SYN2: variants seen among roughly 807,000 people sequenced by gnomAD.
SYN2 encodes the protein synapsin-2.
A neutral mutation model predicts 50.9 loss-of-function variants in SYN2; 19 were observed. That is an observed-to-expected ratio of 0.37 (90% CI 0.26 to 0.55). The LOEUF is 0.55. Among genes scored for constraint, SYN2 ranks in the 20% least tolerant of loss-of-function variants. The pLI, the probability that SYN2 is intolerant of heterozygous loss-of-function variation, is 0.81. For synonymous variants in SYN2, 255 were observed against 224.9 expected (o/e 1.13, Z -1.20); for missense variants, 587 against 576.4 (o/e 1.02, Z -0.19).
At chr3:12,016,890 C>T (rs1436968504) in intron 1 of SYN2, among the ~76,000 whole-genome samples, 1 of 152,012 alleles carries the variant, frequency 6.6e-6, no homozygotes, top group East Asian at 1.9e-4. Context: ...GCTAAATCAT[C>T]GATCTTCAGA....
chr3:12,153,570 C>A, intron 5 of SYN2: 1 of 1,614,088 alleles, frequency 6.2e-7, no homozygotes, highest in Non-Finnish European at 8.5e-7. Flanking sequence ...GCCCCGGTAC[C>A]AGCTGCAGGT....
chr3:12,180,209 A>G (rs1423224055), intron 10 of SYN2, among the ~76,000 whole-genome samples: 1 of 150,538 alleles, frequency 6.6e-6, no homozygotes, highest in Admixed American at 6.6e-5. Context: ...TCGGCCTCCC[A>G]CAGTGTTGGG....
At chr3:12,085,277 A>G (rs1221021364) in intron 1 of SYN2, among the ~76,000 whole-genome samples, 1 of 151,464 alleles carries the variant, frequency 6.6e-6, no homozygotes, top group South Asian at 2.1e-4. Context: ...AAAAAAGACA[A>G]AGAAGGTCAT....
chr3:12,139,179 G>A (rs1180377239), intron 1 of SYN2, among the ~76,000 whole-genome samples: 1 of 152,174 alleles, frequency 6.6e-6, no homozygotes, highest in African/African-American at 2.4e-5. Flanking sequence ...ACTTGGATAG[G>A]ACAAATGACA....
At chr3:12,058,366 A>G (rs1695041368) in intron 1 of SYN2, among the ~76,000 whole-genome samples, 1 of 152,252 alleles carries the variant, frequency 6.6e-6, no homozygotes, top group South Asian at 2.1e-4. Flanking sequence ...TAGGACTACT[A>G]AAGGAATCAG....
At chr3:12,025,563 C>G (rs1240517278) in intron 1 of SYN2, among the ~76,000 whole-genome samples, 1 of 152,158 alleles carries the variant, frequency 6.6e-6, no homozygotes, top group Non-Finnish European at 1.5e-5. Context: ...TTGTAATTGC[C>G]ATCCAGAATC....
chr3:12,149,455 A>G (rs1178635399), intron 4 of SYN2, among the ~76,000 whole-genome samples: 1 of 152,226 alleles, frequency 6.6e-6, no homozygotes, highest in African/African-American at 2.4e-5. Context: ...AGCAAATTGA[A>G]GGACCAAAGT....
intron 1 of SYN2, among the ~76,000 whole-genome samples, chr3:12,046,866 G>A (rs780238613): frequency 6.6e-6 from 1 of 152,124 alleles, no homozygotes; most frequent in African/African-American, 2.4e-5. Flanking sequence ...TTACTGATAC[G>A]AGGAACATTG....
At chr3:12,082,438 T>TC (rs750956136) in intron 1 of SYN2, among the ~76,000 whole-genome samples, 64 of 152,314 alleles carry the variant, frequency 4.2e-4, no homozygotes, top group Admixed American at 2.5e-3. Flanking sequence ...CCTCCTGAAA[T>TC]CCAAGTTCTC....
intron 1 of SYN2, among the ~76,000 whole-genome samples, chr3:12,093,174 G>A (rs554598587): frequency 2.6e-5 from 4 of 152,282 alleles, no homozygotes; most frequent in Admixed American, 6.5e-5. Context: ...AGCAAATTAT[G>A]TATCACATTT....
At chr3:12,037,579 T>TGA (rs1191575556) in intron 1 of SYN2, among the ~76,000 whole-genome samples, 1 of 152,172 alleles carries the variant, frequency 6.6e-6, no homozygotes. Flanking sequence ...CAAGAGCAAG[T>TGA]GAGAGCAAGA....
chr3:12,180,084 G>A (rs79629154), intron 10 of SYN2, among the ~76,000 whole-genome samples: 5,163 of 152,156 alleles, frequency 0.034, 273 homozygotes, highest in African/African-American at 0.11. Context: ...GGGTAGCTGG[G>A]ACTATAAGCA....
chr3:12,175,425 T>G (rs1244617935), intron 10 of SYN2, among the ~76,000 whole-genome samples: 1 of 152,266 alleles, frequency 6.6e-6, no homozygotes, highest in African/African-American at 2.4e-5. Context: ...GTGTTGTCAC[T>G]GACTTGCTCA....
At chr3:12,093,977 C>G (rs1157960195) in intron 1 of SYN2, among the ~76,000 whole-genome samples, 1 of 151,954 alleles carries the variant, frequency 6.6e-6, no homozygotes, top group Admixed American at 6.6e-5. Flanking sequence ...CTGCCTCAGC[C>G]TCCTAAGTAG....
chr3:12,101,853 C>A (rs1313623040), intron 1 of SYN2, among the ~76,000 whole-genome samples: 2 of 152,066 alleles, frequency 1.3e-5, no homozygotes, highest in Non-Finnish European at 2.9e-5. Flanking sequence ...AGGATGTTGG[C>A]AAAATCACTA....
At chr3:12,107,281 T>G (rs1696213477) in intron 1 of SYN2, among the ~76,000 whole-genome samples, 1 of 152,170 alleles carries the variant, frequency 6.6e-6, no homozygotes, top group South Asian at 2.1e-4. Flanking sequence ...CAAGACAAAT[T>G]TATCTTTGGA....
At chr3:12,131,422 C>A (rs1324082295) in intron 1 of SYN2, among the ~76,000 whole-genome samples, 2 of 152,140 alleles carry the variant, frequency 1.3e-5, no homozygotes, top group Non-Finnish European at 2.9e-5. Context: ...ACATATCTGG[C>A]ATAAAATAAA....
intron 1 of SYN2, among the ~76,000 whole-genome samples, chr3:12,106,175 C>T (rs1276537188): frequency 6.6e-6 from 1 of 152,196 alleles, no homozygotes; most frequent in Non-Finnish European, 1.5e-5. Context: ...CCCAGTTCCT[C>T]CAGGCTGCCT....
intron 5 of SYN2, among the ~76,000 whole-genome samples, 180 bp from the exon 6 acceptor site, chr3:12,161,366 C>G (rs308950): frequency 0.82 from 124,736 of 152,146 alleles, 51,775 homozygotes; most frequent in Middle Eastern, 0.94. Context: ...CTAATATGCT[C>G]TGTGACCCTG....
Sources: allele counts gnomAD v4.1 joint callset (sites outside exome capture counted in the v4.1 genomes callset), GRCh38; gene constraint gnomAD v4.1.1; transcripts MANE v1.5; gene names NCBI Gene and HGNC (gene_info 2026-07-23, HGNC 2026-07-21).